Variants in TCF12 observed in about 807,000 individuals in gnomAD.
TCF12 encodes transcription factor 12.
A neutral mutation model predicts 86.0 loss-of-function variants in TCF12; 45 were observed. The ratio of observed to expected loss-of-function variants is 0.52; its 90% CI spans 0.41 to 0.67. TCF12 has a LOEUF of 0.67. Ranked by LOEUF, TCF12 falls within the 30% of genes least tolerant of loss-of-function variation. The pLI, the probability that TCF12 is intolerant of heterozygous loss-of-function variation, is 0.00. For missense variants in TCF12, 881 were observed against 859.9 expected, an observed-to-expected ratio of 1.02 and a Z score of -0.31; for synonymous variants, 330 against 299.6, an observed-to-expected ratio of 1.10 and a Z score of -1.05.
chr15:56,941,685 C>CT (rs111353408), intron 3 of TCF12, among the ~76,000 whole-genome samples: 8,109 of 143,316 alleles, frequency 0.057, 491 homozygotes, highest in African/African-American at 0.15. Flanking sequence ...TCTTCTTCTT[C>CT]TTTTTTTTTT....
In TCF12 at chr15:57,071,237, T is replaced by C. The variant is rs2069349274; in HGVS notation, c.222+7414T>C. Among the ~76,000 whole-genome samples the C allele has an allele frequency of 3.4e-5, 5 of 145,096 alleles. No individual in the cohort carries two copies. The Admixed American group carries it at 3.5e-4, about 10-fold the overall frequency. On this transcript the variant is annotated intron_variant, in intron 4 of 20. Transcript: ENST00000333725. ...GCCTGGGCAACAAAATGAGACCCCC[T>C]CTCTACAAAAAATAGAAAAAAAAAA...
At chr15:56,955,670 G>A (rs2061479932) in intron 3 of TCF12, among the ~76,000 whole-genome samples, 1 of 152,168 alleles carries the variant, frequency 6.6e-6, no homozygotes, top group Non-Finnish European at 1.5e-5. Flanking sequence ...GGTTTGCCTT[G>A]GCAAATGTTC....
intron 6 of TCF12, among the ~76,000 whole-genome samples, chr15:57,176,566 C>G (rs921080619): frequency 6.6e-6 from 1 of 152,090 alleles, no homozygotes; most frequent in Non-Finnish European, 1.5e-5. Context: ...GCTGCTGTTG[C>G]GTCTGTTATT....
At chr15:56,992,571 G>A (rs1023941871) in intron 3 of TCF12, among the ~76,000 whole-genome samples, 3 of 152,124 alleles carry the variant, frequency 2.0e-5, no homozygotes, top group Admixed American at 2.0e-4. Context: ...CAAATACCTA[G>A]TGATGTGCTA....
intron 19 of TCF12, among the ~76,000 whole-genome samples, chr15:57,277,477 A>G (rs1238433477): frequency 6.6e-6 from 1 of 151,492 alleles, no homozygotes; most frequent in African/African-American, 2.4e-5. Context: ...AAAAATACAA[A>G]AATTAGCTGG....
intron 6 of TCF12, among the ~76,000 whole-genome samples, chr15:57,190,325 A>G (rs2056913674): frequency 6.6e-6 from 1 of 152,190 alleles, no homozygotes; most frequent in Non-Finnish European, 1.5e-5. Flanking sequence ...CTGGAGGCAG[A>G]GATTGGGCTA....
At chr15:57,215,949 C>T (rs1315028707) in intron 8 of TCF12, among the ~76,000 whole-genome samples, 1 of 152,120 alleles carries the variant, frequency 6.6e-6, no homozygotes, top group Non-Finnish European at 1.5e-5. Flanking sequence ...GAAATTTTGC[C>T]TGGAAGCCTG....
At chr15:57,273,396 GT>G in intron 19 of TCF12, 134 bp downstream of exon 19, 1 of 870,880 alleles carries the variant, frequency 1.1e-6, no homozygotes, top group Non-Finnish European at 1.8e-6. Context: ...CATCAGGGTC[GT>G]TTTTCCTGTA....
chr15:57,021,346 C>T (rs541732604), intron 3 of TCF12, among the ~76,000 whole-genome samples: 2 of 152,286 alleles, frequency 1.3e-5, no homozygotes, highest in African/African-American at 4.8e-5. Context: ...GCAGGTTAAA[C>T]TAGTGATGGG....
chr15:56,994,344 C>G (rs2063594527), intron 3 of TCF12, among the ~76,000 whole-genome samples: 1 of 151,820 alleles, frequency 6.6e-6, no homozygotes. Flanking sequence ...TATGAAGAAC[C>G]AGGAAGATTT....
chr15:57,214,001 C>T (rs1292535191), intron 8 of TCF12: 1 of 152,096 alleles, frequency 6.6e-6, no homozygotes, highest in Admixed American at 6.5e-5. Flanking sequence ...ATTATGGAGC[C>T]ATCTGCAGGA....
chr15:57,279,335 A>C (rs569059619), intron 19 of TCF12, among the ~76,000 whole-genome samples: 5 of 152,342 alleles, frequency 3.3e-5, no homozygotes, highest in South Asian at 2.1e-4. Flanking sequence ...CATGTTGCAA[A>C]GTTGATGTTA....
intron 5 of TCF12, among the ~76,000 whole-genome samples, chr15:57,110,595 A>G (rs1212670235): frequency 6.6e-6 from 1 of 152,188 alleles, no homozygotes; most frequent in African/African-American, 2.4e-5. Flanking sequence ...TTTTTTGTGT[A>G]CAGGAAGAAA....
intron 3 of TCF12, among the ~76,000 whole-genome samples, chr15:56,995,449 G>A (rs1292799186): frequency 6.6e-6 from 1 of 151,654 alleles, no homozygotes. Context: ...GTGAGCATAG[G>A]ATGTTTTTCC....
At chr15:57,179,574 C>G (rs2056192366) in intron 6 of TCF12, among the ~76,000 whole-genome samples, 1 of 151,948 alleles carries the variant, frequency 6.6e-6, no homozygotes, top group Admixed American at 6.6e-5. Flanking sequence ...ATTTCGTTGG[C>G]AGGATACATT....
Position 56,984,902 on chromosome 15 carries a change from T to C in TCF12, c.148+63804T>C, listed in dbSNP as rs78821939. ...TTGTTTGTTAAGAACCTTTGTAAGA[T>C]TGTGCTAAGACACCGTGAAAAATAC... On this transcript the variant is annotated intron_variant, in intron 3 of 20. Coordinates refer to ENST00000333725, the MANE Select transcript of TCF12 (RefSeq NM_207037.2). Among the ~76,000 whole-genome samples the C allele has an allele frequency of 2.5e-3, 381 of 152,320 alleles. 2 individuals are homozygous for C. Among genetic ancestry groups the C allele is most frequent in the African/African-American group, 8.7e-3 (362 of 41,574 alleles).
chr15:57,137,898 G>A (rs2052670103), intron 5 of TCF12, among the ~76,000 whole-genome samples: 1 of 152,054 alleles, frequency 6.6e-6, no homozygotes, highest in Non-Finnish European at 1.5e-5. Flanking sequence ...ATGGTGGCAG[G>A]CATCTGTAAT....
intron 8 of TCF12, among the ~76,000 whole-genome samples, chr15:57,230,096 G>C (rs1226203439): frequency 2.0e-5 from 3 of 151,720 alleles, no homozygotes; most frequent in Non-Finnish European, 3.0e-5. Context: ...CCATTATTGA[G>C]TTTCTTGTGT....
At chr15:57,206,620 C>G (rs1170458130) in intron 8 of TCF12, among the ~76,000 whole-genome samples, 1 of 122,340 alleles carries the variant, frequency 8.2e-6, no homozygotes, top group Non-Finnish European at 1.6e-5. Flanking sequence ...GACAGTCTCG[C>G]TCTGTTGCCC....
Sources: gnomAD v4.1 joint callset for allele counts (sites outside exome capture counted in the v4.1 genomes callset) on GRCh38, gnomAD v4.1.1 for gene constraint, MANE v1.5 for transcripts, NCBI Gene and HGNC (gene_info 2026-07-23, HGNC 2026-07-21) for gene names.